Variants in CKMT2 observed in about 807,000 individuals in gnomAD.
The protein encoded by CKMT2 is creatine kinase S-type, mitochondrial.
Under a neutral mutation model 48.9 loss-of-function variants are expected in CKMT2, and 43 were observed. The observed-to-expected ratio is 0.88, with a 90% confidence interval of 0.69 to 1.13. The LOEUF (loss-of-function observed/expected upper bound fraction) is 1.13, where lower values mean the gene tolerates loss of function less well. Among genes scored for constraint, CKMT2 ranks in the 50% most tolerant of loss-of-function variants. The probability of loss-of-function intolerance (pLI) is 0.00; values close to 1 mark genes in which losing one functional copy is unlikely to be tolerated. For synonymous variants in CKMT2, 206 were observed against 213.0 expected, an observed-to-expected ratio of 0.97 and a Z score of 0.29; for missense variants, 472 against 555.4, an observed-to-expected ratio of 0.85 and a Z score of 1.51.
chr5:81,250,855 G>C (rs977791326), intron 1 of CKMT2: 1 of 246,172 alleles, frequency 4.1e-6, no homozygotes, highest in Non-Finnish European at 7.9e-6. Flanking sequence ...AAAAGGCATG[G>C]AATTCAGAAA....
chr5:81,259,611 T>C (rs576269580), intron 8 of CKMT2, among the ~76,000 whole-genome samples: 26 of 152,278 alleles, frequency 1.7e-4, no homozygotes, highest in Middle Eastern at 6.8e-3. Flanking sequence ...CTGAAGGACT[T>C]GGTAAAACAC....
At position 81,251,257 on chromosome 5, in the gene CKMT2, G is replaced by C; in HGVS notation, c.125G>C (p.Arg42Pro). 6.2e-7 allele frequency: 1 copy of C among 1,614,082 alleles called. No individual in the cohort carries two copies. Among genetic ancestry groups the C allele is most frequent in the Non-Finnish European group, 8.5e-7 (1 of 1,179,980 alleles). The change falls in exon 2 of 10, where the codon CGG becomes CCG. Residue 42 changes from arginine (R) to proline (P), a missense_variant. Physicochemically the swap from Arg to Pro is moderately radical, Grantham distance 103 (BLOSUM62 -2). Transcript: ENST00000254035. ...LNRQKVCAEV[R>P]EQPRLFPPSA... ...CGGCAGAAAGTGTGTGCCGAGGTCC[G>C]GGAGCAGCCTAGGCTATTTCCTCCA... is the stretch of plus-strand genomic sequence containing the variant.
intron 8 of CKMT2, among the ~76,000 whole-genome samples, chr5:81,263,173 TG>T (rs1475233866): frequency 1.5e-5 from 1 of 65,938 alleles, no homozygotes; most frequent in Non-Finnish European, 3.1e-5. Flanking sequence ...TGGGGCCAGT[TG>T]GGGGGTGGGG....
chr5:81,233,756 C>G (rs1460219372), intron 1 of CKMT2, among the ~76,000 whole-genome samples: 2 of 152,188 alleles, frequency 1.3e-5, no homozygotes, highest in African/African-American at 2.4e-5. Context: ...TTCACAGAGT[C>G]TAATCCACTC....
At chr5:81,262,178 A>C (rs1425647730) in intron 8 of CKMT2, among the ~76,000 whole-genome samples, 1 of 152,226 alleles carries the variant, frequency 6.6e-6, no homozygotes. Context: ...TACACTTTAT[A>C]CAAAAAGTAA....
chr5:81,239,384 T>C (rs1756357999), intron 1 of CKMT2: 2 of 152,222 alleles, frequency 1.3e-5, no homozygotes. Flanking sequence ...AGGGGACACA[T>C]TTAGCCCTTT....
intron 4 of CKMT2, 118 bp downstream of exon 4, chr5:81,254,609 C>CAG: frequency 4.8e-6 from 4 of 838,030 alleles, no homozygotes; most frequent in Non-Finnish European, 7.8e-6. Context: ...AGCACTGTGA[C>CAG]TGCCCTGGCA....
chr5:81,254,601 C>T (rs1756933464), intron 4 of CKMT2, 110 bp downstream of exon 4: 1 of 892,628 alleles, frequency 1.1e-6, no homozygotes, highest in South Asian at 1.4e-5. Context: ...CCCTGGAAAG[C>T]ACTGTGACTG....
Position 81,259,185 on chromosome 5 carries a change from G to A in CKMT2, c.945G>A (p.Leu315=). ...FMWNERLGYI[L]TCPSNLGTGL... ...GGAATGAGCGCCTAGGATACATTTTGACCTGTCCTTCGAACCTTGGAACAG... is the reference window on the plus strand; with the variant it reads ...GGAATGAGCGCCTAGGATACATTTTAACCTGTCCTTCGAACCTTGGAACAG... The change falls in exon 8 of 10, where the codon TTG becomes TTA. Residue 315 remains leucine, a synonymous_variant. Coordinates refer to ENST00000254035, the MANE Select transcript of CKMT2 (RefSeq NM_001099735.2). 1 of 1,614,052 alleles carries A rather than the reference G, an allele frequency of 6.2e-7. No homozygotes were observed. Among genetic ancestry groups the A allele is most frequent in the Non-Finnish European group, 8.5e-7 (1 of 1,179,974 alleles).
rs769062085 is a variant in CKMT2, at chr5:81,263,581, G to A, written c.1105G>A (p.Asp369Asn). 11 of 1,612,168 alleles carry A rather than the reference G, an allele frequency of 6.8e-6. No homozygotes were observed. Among genetic ancestry groups the A allele is most frequent in the African/African-American group, 1.3e-5 (1 of 74,792 alleles). ...CACTGCCGCGGTCGCAGATGTGTAC[G>A]ACATTTCCAACATAGATAGAATTGG... Reference protein sequence around the residue: ...VDTAAVADVYDISNIDRIGRS... With the variant: ...VDTAAVADVYNISNIDRIGRS... Residue 369 changes from aspartate (D) to asparagine (N), a missense_variant, in exon 9 of 10, where the codon GAC (aspartate) becomes AAC (asparagine). Transcript: ENST00000254035.
chr5:81,256,130 G>C (rs1010835855), intron 5 of CKMT2, among the ~76,000 whole-genome samples: 1 of 152,106 alleles, frequency 6.6e-6, no homozygotes, highest in African/African-American at 2.4e-5. Context: ...TCTCTCTGTA[G>C]AGTATGTGTG....
chr5:81,233,796 TCA>T (rs1481950082), intron 1 of CKMT2, among the ~76,000 whole-genome samples: 1 of 152,170 alleles, frequency 6.6e-6, no homozygotes, highest in Admixed American at 6.5e-5. Context: ...CCCAGCAGTC[TCA>T]GTCTCAAAAG....
At chr5:81,256,875 A>C in intron 5 of CKMT2, 40 bp from the exon 6 acceptor site, 2 of 1,466,750 alleles carry the variant, frequency 1.4e-6, no homozygotes, top group Non-Finnish European at 9.5e-7. Flanking sequence ...GTTTGATCTC[A>C]TCAGTCTCTC....
At chr5:81,265,999 T>C in intron 9 of CKMT2, 140 bp from the exon 10 acceptor site, 1 of 683,076 alleles carries the variant, frequency 1.5e-6, no homozygotes, top group Admixed American at 2.4e-5. Context: ...TATCTCTGCC[T>C]TCCATTTCTG....
At chr5:81,260,628 A>C (rs1397987150) in intron 8 of CKMT2, among the ~76,000 whole-genome samples, 1 of 152,240 alleles carries the variant, frequency 6.6e-6, no homozygotes, top group Admixed American at 6.5e-5. Flanking sequence ...AAATGGATAA[A>C]TTCCTGGACA....
chr5:81,242,795 TG>T (rs945222184), intron 1 of CKMT2, among the ~76,000 whole-genome samples: 1 of 152,232 alleles, frequency 6.6e-6, no homozygotes, highest in African/African-American at 2.4e-5. Context: ...AGGGAATTTC[TG>T]GAACTTCCAT....
intron 1 of CKMT2, among the ~76,000 whole-genome samples, chr5:81,240,404 C>T (rs892744031): frequency 7.2e-5 from 11 of 152,204 alleles, no homozygotes; most frequent in East Asian, 3.8e-4. Flanking sequence ...GGGTTAATGA[C>T]AATGGCCCAG....
intron 1 of CKMT2, among the ~76,000 whole-genome samples, chr5:81,240,477 TTCA>T (rs1756399116): frequency 6.6e-6 from 1 of 152,208 alleles, no homozygotes. Context: ...CAGGGGTCTA[TTCA>T]TCGTTTCCAC....
At chr5:81,241,050 G>A (rs896497924) in intron 1 of CKMT2, among the ~76,000 whole-genome samples, 6 of 152,132 alleles carry the variant, frequency 3.9e-5, no homozygotes, top group African/African-American at 1.4e-4. Flanking sequence ...GTGGGCCAGC[G>A]TGCTTAAGAA....
Sources: gnomAD v4.1 joint callset for allele counts (sites outside exome capture counted in the v4.1 genomes callset) on GRCh38, gnomAD v4.1.1 for gene constraint, MANE v1.5 for transcripts, NCBI Gene and HGNC (gene_info 2026-07-23, HGNC 2026-07-21) for gene names.